The following PCDHA8 variants were observed in gnomAD, a reference collection of about 807,000 sequenced individuals.
PCDHA8 encodes protocadherin alpha-8.
PCDHA8 carries 53 observed loss-of-function variants against 61.8 expected under a neutral mutation model. That is an observed-to-expected ratio of 0.86 (90% CI 0.69 to 1.08). The LOEUF is 1.08. Ranked by LOEUF, PCDHA8 falls within the 50% of genes least tolerant of loss-of-function variation. PCDHA8 has a pLI of 0.00. For synonymous variants in PCDHA8, 618 were observed against 556.6 expected (o/e 1.11, Z -1.55); for missense variants, 1,293 against 1,245.0 (o/e 1.04, Z -0.58).
At chr5:140,954,591 G>A (rs951330274) in intron 1 of PCDHA8, among the ~76,000 whole-genome samples, 3 of 152,062 alleles carry the variant, frequency 2.0e-5, no homozygotes, top group Non-Finnish European at 2.9e-5. Context: ...GTCTGTTCAT[G>A]TTCTTTGCCC....
At chr5:140,883,642 C>T (rs200197885) in intron 1 of PCDHA8, 1 of 1,613,904 alleles carries the variant, frequency 6.2e-7, no homozygotes, top group South Asian at 1.1e-5. Context: ...TCGCGCAGCC[C>T]GAGTACACGG....
At chr5:140,907,392 A>G (rs1362391388) in intron 1 of PCDHA8, among the ~76,000 whole-genome samples, 1 of 152,202 alleles carries the variant, frequency 6.6e-6, no homozygotes, top group Non-Finnish European at 1.5e-5. Context: ...GTCAAAGGCA[A>G]TGCTGTGTGG....
chr5:140,853,467 G>T lies in PCDHA8; in HGVS notation c.2394+9752G>T, dbSNP rs2150532339. 46 of 971,640 alleles carry T rather than the reference G, an allele frequency of 4.7e-5. No homozygotes were observed. The African/African-American group carries it at 8.1e-4, about 17-fold the overall frequency. 60.2% of individuals were successfully genotyped at this position (971,640 alleles called of 1,614,324 possible). ...CTAATAGGTCTCCTTATATGCATCT[G>T]TAGTTAACATTCCTCAATTCAAGTT... On this transcript the variant is annotated intron_variant, in intron 1 of 3. Transcript: ENST00000531613.
intron 1 of PCDHA8, chr5:140,876,078 A>C (rs2056099570): frequency 6.2e-7 from 1 of 1,613,868 alleles, no homozygotes; most frequent in Non-Finnish European, 8.5e-7. Flanking sequence ...TATTGGACAG[A>C]GAGCAAACGC....
At chr5:140,910,924 A>T (rs568597600) in intron 1 of PCDHA8, among the ~76,000 whole-genome samples, 1 of 152,142 alleles carries the variant, frequency 6.6e-6, no homozygotes, top group Admixed American at 6.5e-5. Flanking sequence ...GCTTATATAA[A>T]TAAGAAAGCT....
chr5:140,924,747 T>G (rs1026870483), intron 1 of PCDHA8, among the ~76,000 whole-genome samples: 2 of 151,786 alleles, frequency 1.3e-5, no homozygotes, highest in African/African-American at 4.8e-5. Flanking sequence ...ATACAAAAAT[T>G]AACCGAGCAT....
intron 2 of PCDHA8, among the ~76,000 whole-genome samples, chr5:140,981,118 G>A (rs1205022984): frequency 6.6e-6 from 1 of 152,196 alleles, no homozygotes; most frequent in Admixed American, 6.5e-5. Flanking sequence ...TACTGGATAT[G>A]TTGTTTGAAG....
At position 141,011,317 on chromosome 5, in the gene PCDHA8, T is replaced by C. The variant is rs1554263417; in HGVS notation, c.*1380T>C. On this transcript the variant is annotated 3_prime_UTR_variant, in exon 4 of 4. Transcript: ENST00000531613. ...TAACACTCTGAATTGCTAATCTTAC[T>C]AACACCTATGATGTTACCTGAAATC... 1 of 153,818 alleles carries C rather than the reference T, an allele frequency of 6.5e-6. No homozygotes were observed. The highest frequency in any genetic ancestry group is 2.4e-5 in the African/African-American group (1 of 41,470). 9.5% of individuals were successfully genotyped at this position (153,818 alleles called of 1,614,324 possible).
chr5:140,982,705 T>A, intron 3 of PCDHA8, 142 bp downstream of exon 3: 1 of 1,376,850 alleles, frequency 7.3e-7, no homozygotes, highest in Non-Finnish European at 9.5e-7. Flanking sequence ...CATGATTTCC[T>A]TACATATATG....
chr5:140,952,952 G>C (rs1477546132), intron 1 of PCDHA8, among the ~76,000 whole-genome samples: 1 of 151,924 alleles, frequency 6.6e-6, no homozygotes, highest in Non-Finnish European at 1.5e-5. Context: ...GAGAGAAGGG[G>C]GAAGTGATAC....
intron 1 of PCDHA8, among the ~76,000 whole-genome samples, chr5:140,973,282 C>T (rs1554235080): frequency 2.6e-5 from 4 of 152,148 alleles, no homozygotes; most frequent in African/African-American, 7.2e-5. Context: ...TCCCCCAGCA[C>T]TGATTTTTCT....
intron 1 of PCDHA8, among the ~76,000 whole-genome samples, chr5:140,932,571 A>G (rs1308740705): frequency 1.3e-5 from 2 of 151,926 alleles, no homozygotes; most frequent in African/African-American, 4.8e-5. Context: ...AGACTTTCCC[A>G]TAGGGTAATT....
At chr5:140,914,197 T>G (rs2076637069) in intron 1 of PCDHA8, among the ~76,000 whole-genome samples, 1 of 152,234 alleles carries the variant, frequency 6.6e-6, no homozygotes, top group South Asian at 2.1e-4. Flanking sequence ...ATTATTGTAT[T>G]GTGATCTCTA....
chr5:140,870,955 C>T, intron 1 of PCDHA8: 1 of 1,613,632 alleles, frequency 6.2e-7, no homozygotes, highest in Non-Finnish European at 8.5e-7. Context: ...GGGCGGCTCG[C>T]GCATCCCGTT....
At chr5:140,983,171 C>T (rs1371766725) in intron 3 of PCDHA8, among the ~76,000 whole-genome samples, 2 of 152,136 alleles carry the variant, frequency 1.3e-5, no homozygotes, top group Non-Finnish European at 2.9e-5. Flanking sequence ...AACATGACCG[C>T]CTCACAATTT....
At chr5:140,856,761 C>T (rs377564040) in intron 1 of PCDHA8, 2 of 1,596,598 alleles carry the variant, frequency 1.3e-6, no homozygotes, top group Non-Finnish European at 1.7e-6. Context: ...AATGATAACG[C>T]CCCTATCTTT....
chr5:140,843,462 C>G lies in PCDHA8; in HGVS notation c.2141C>G (p.Thr714Arg), dbSNP rs2150360645. 3.1e-6 allele frequency: 5 copies of G among 1,596,046 alleles called. No individual in the cohort carries two copies. The highest frequency in any genetic ancestry group is 3.4e-6 in the Non-Finnish European group (4 of 1,165,650). The change falls in exon 1 of 4, where the codon ACG becomes AGG. Residue 714 changes from threonine (T) to arginine (R), a missense_variant. Physicochemically the swap from Thr to Arg is moderately conservative, Grantham distance 71. Coordinates refer to ENST00000531613, the MANE Select transcript of PCDHA8 (RefSeq NM_018911.3). The part of the protein sequence containing the change: ...ICAVSSLLVL[T>R]LLLYTALRCS... ...GCGGTATCCAGCCTGCTGGTGCTCACGCTGCTGCTGTACACTGCGCTGCGG... is the reference window on the plus strand; with the variant it reads ...GCGGTATCCAGCCTGCTGGTGCTCAGGCTGCTGCTGTACACTGCGCTGCGG...
chr5:140,905,918 T>G (rs536445399), intron 1 of PCDHA8, among the ~76,000 whole-genome samples: 1 of 152,280 alleles, frequency 6.6e-6, no homozygotes, highest in Non-Finnish European at 1.5e-5. Context: ...GAATCCAATC[T>G]GAGTCCCAAA....
At chr5:140,850,071 G>A (rs2150465789) in intron 1 of PCDHA8, 1 of 1,596,556 alleles carries the variant, frequency 6.3e-7, no homozygotes, top group Non-Finnish European at 8.6e-7. Flanking sequence ...GTTGGACCAC[G>A]AGGAGCTGGA....
Sources: gnomAD v4.1 joint callset for allele counts (sites outside exome capture counted in the v4.1 genomes callset) on GRCh38, gnomAD v4.1.1 for gene constraint, MANE v1.5 for transcripts, NCBI Gene and HGNC (gene_info 2026-07-23, HGNC 2026-07-21) for gene names.